The following GALNT2 variants were observed in gnomAD, a reference collection of about 807,000 sequenced individuals.
GALNT2 encodes the protein polypeptide N-acetylgalactosaminyltransferase 2.
Under a neutral mutation model 81.4 loss-of-function variants are expected in GALNT2, and 31 were observed. That is an observed-to-expected ratio of 0.38 (90% CI 0.29 to 0.51). GALNT2 has a LOEUF of 0.51. GALNT2 is among the 20% of genes least tolerant of loss of function. The pLI is 0.87. For missense variants in GALNT2, 629 were observed against 765.7 expected (o/e 0.82, Z 2.11); for synonymous variants, 303 against 287.4 (o/e 1.05, Z -0.55).
chr1:230,221,332 A>G (rs368937450), intron 3 of GALNT2, among the ~76,000 whole-genome samples: 7 of 152,204 alleles, frequency 4.6e-5, no homozygotes, highest in African/African-American at 1.4e-4. Context: ...TAACGTTGGG[A>G]TGAATATTTT....
At chr1:230,166,274 T>C (rs72651047) in intron 1 of GALNT2, among the ~76,000 whole-genome samples, 6 of 152,146 alleles carry the variant, frequency 3.9e-5, no homozygotes, top group Non-Finnish European at 8.8e-5. Flanking sequence ...AAAAGAAACA[T>C]ACAGTCCCTA....
chr1:230,256,081 A>G (rs1168794022), intron 11 of GALNT2, among the ~76,000 whole-genome samples: 1 of 152,098 alleles, frequency 6.6e-6, no homozygotes, highest in South Asian at 2.1e-4. Flanking sequence ...TTATAATAGC[A>G]TCAATCCCCC....
chr1:230,096,651 T>G (rs983906375), intron 1 of GALNT2, among the ~76,000 whole-genome samples: 3 of 152,208 alleles, frequency 2.0e-5, no homozygotes, highest in Non-Finnish European at 4.4e-5. Context: ...CTCCCATCCT[T>G]GGCAGCCTGG....
chr1:230,243,412 G>A lies in GALNT2; in HGVS notation c.714G>A (p.Leu238=), dbSNP rs765833016. ...ATGAGCACTGGCTGGAGCCCCTCCT[G>A]GAAAGGGTGGCGGAGGTGAGATGAC... ...ECNEHWLEPL[L]ERVAEDRTRV... The change falls in exon 7 of 16, where the codon CTG becomes CTA. Residue 238 remains leucine, a synonymous_variant. Coordinates refer to ENST00000366672, the MANE Select transcript of GALNT2 (RefSeq NM_004481.5). The surrounding 1 kb of genome is among the most constrained non-coding windows in gnomAD (Gnocchi z 4.2). 6.2e-7 allele frequency: 1 copy of A among 1,612,052 alleles called. No individual in the cohort carries two copies. The highest frequency in any genetic ancestry group is 1.1e-5 in the South Asian group (1 of 90,992).
At chr1:230,189,891 A>G (rs1028284227) in intron 2 of GALNT2, among the ~76,000 whole-genome samples, 1 of 152,170 alleles carries the variant, frequency 6.6e-6, no homozygotes, top group African/African-American at 2.4e-5. Context: ...GCAGCCTTAC[A>G]GTACTTGTCC....
intron 1 of GALNT2, among the ~76,000 whole-genome samples, chr1:230,111,772 T>G (rs113089829): frequency 1.3e-5 from 2 of 152,198 alleles, no homozygotes; most frequent in African/African-American, 4.8e-5. Context: ...AATGGAAGAC[T>G]GTGTCACTGA....
At chr1:230,162,599 C>G (rs1206526628) in intron 1 of GALNT2, among the ~76,000 whole-genome samples, 1 of 152,172 alleles carries the variant, frequency 6.6e-6, no homozygotes, top group Non-Finnish European at 1.5e-5. Flanking sequence ...CCAGAACTTG[C>G]TTTCCCCAAA....
chr1:230,184,500 C>T (rs1351025463), intron 2 of GALNT2, among the ~76,000 whole-genome samples: 2 of 151,900 alleles, frequency 1.3e-5, no homozygotes, highest in Non-Finnish European at 1.5e-5. Context: ...GAAGATCAAT[C>T]TTAAATGGTA....
At chr1:230,095,343 C>T (rs1660220881) in intron 1 of GALNT2, among the ~76,000 whole-genome samples, 1 of 152,184 alleles carries the variant, frequency 6.6e-6, no homozygotes, top group African/African-American at 2.4e-5. Context: ...TATAGAAACT[C>T]CATGAGGCGT....
intron 1 of GALNT2, among the ~76,000 whole-genome samples, chr1:230,156,459 A>G (rs1662259721): frequency 2.0e-5 from 3 of 152,126 alleles, no homozygotes; most frequent in African/African-American, 7.2e-5. Context: ...AGTTCACTCA[A>G]GAGACTCCTT....
chr1:230,077,827 G>A (rs1659609428), intron 1 of GALNT2, among the ~76,000 whole-genome samples: 1 of 152,238 alleles, frequency 6.6e-6, no homozygotes, highest in Admixed American at 6.5e-5. Context: ...AGTCGAGGTA[G>A]CCAGCCTTTG....
intron 1 of GALNT2, among the ~76,000 whole-genome samples, chr1:230,086,944 A>T (rs1486321915): frequency 6.6e-6 from 1 of 152,114 alleles, no homozygotes; most frequent in Non-Finnish European, 1.5e-5. Flanking sequence ...CCTCTACGAG[A>T]TGGAGTTTAT....
At chr1:230,274,407 T>C (rs763002151) in intron 14 of GALNT2, 38 bp from the exon 15 acceptor site, 104 of 1,608,566 alleles carry the variant, frequency 6.5e-5, no homozygotes, top group Non-Finnish European at 8.7e-5. Flanking sequence ...CACAGCCCGG[T>C]GCATAGCACG....
rs1338661058 is a variant in GALNT2, at chr1:230,193,491, CTGTGCTGGGGTGTGCGTGCGCCTCTG to C, written c.221-9634_221-9609del. ...TGTGCTGGGGTTTGCATGCGCCTCTCTGTGCTGGGGTGTGCGTGCGCCTCTGTGTGCTGGGGTCTTCATGTGCTTTG... is the reference window on the plus strand; with the variant it reads ...TGTGCTGGGGTTTGCATGCGCCTCTCTGTGCTGGGGTCTTCATGTGCTTTG... On this transcript the variant is annotated intron_variant, in intron 2 of 15. Transcript: ENST00000366672. This position sits in a 1 kb window ranked among gnomAD's most constrained non-coding sequence, Gnocchi z 4.3. 2.6e-5 allele frequency among the ~76,000 whole-genome samples: 4 copies of C among 151,632 alleles called. No homozygotes were observed. In the South Asian group the frequency reaches 6.3e-4, roughly 24 times the overall value.
chr1:230,095,527 T>A (rs1330488620), intron 1 of GALNT2, among the ~76,000 whole-genome samples: 1 of 152,148 alleles, frequency 6.6e-6, no homozygotes, highest in Non-Finnish European at 1.5e-5. Context: ...AGTATTGGGA[T>A]CCACTCTCCA....
chr1:230,107,552 C>G (rs1660576291), intron 1 of GALNT2, among the ~76,000 whole-genome samples: 1 of 149,894 alleles, frequency 6.7e-6, no homozygotes, highest in Admixed American at 6.7e-5. Context: ...TGTACTCCAA[C>G]CTGGGTGACA....
rs141962740 is a variant in GALNT2, at chr1:230,068,897, A to T, written c.126+1491A>T. ...GGTTTATTCTTGAACAGCAAAGAGCATGCAGGCAGCAAAAGCCGTGCAGTC... is the reference window on the plus strand; with the variant it reads ...GGTTTATTCTTGAACAGCAAAGAGCTTGCAGGCAGCAAAAGCCGTGCAGTC... On this transcript the variant is annotated intron_variant, in intron 1 of 15. Coordinates refer to ENST00000366672, the MANE Select transcript of GALNT2 (RefSeq NM_004481.5). Among the ~76,000 whole-genome samples the T allele has an allele frequency of 2.0e-5, 3 of 152,350 alleles. No homozygotes were observed. The East Asian group carries it at 5.8e-4, about 29-fold the overall frequency.
intron 1 of GALNT2, among the ~76,000 whole-genome samples, chr1:230,097,876 C>T (rs957285222): frequency 6.6e-6 from 1 of 152,138 alleles, no homozygotes; most frequent in South Asian, 2.1e-4. Context: ...CAAATTCTGT[C>T]TTTAGGTTTG....
intron 2 of GALNT2, among the ~76,000 whole-genome samples, chr1:230,192,645 T>C (rs1663566667): frequency 6.6e-6 from 1 of 152,256 alleles, no homozygotes; most frequent in Non-Finnish European, 1.5e-5. Context: ...TATTGCACTT[T>C]ATCAATTTGA....
Sources: gnomAD v4.1 joint callset for allele counts (sites outside exome capture counted in the v4.1 genomes callset) on GRCh38, gnomAD v4.1.1 for gene constraint, Gnocchi (gnomAD v3.1) non-coding constraint, MANE v1.5 for transcripts, NCBI Gene and HGNC (gene_info 2026-07-23, HGNC 2026-07-21) for gene names.